The following GPAT3 variants were observed in gnomAD, a reference collection of about 807,000 sequenced individuals.
GPAT3 encodes glycerol-3-phosphate acyltransferase 3.
Under a neutral mutation model 58.8 loss-of-function variants are expected in GPAT3, and 53 were observed. The ratio of observed to expected loss-of-function variants is 0.90; its 90% CI spans 0.72 to 1.13. The LOEUF (loss-of-function observed/expected upper bound fraction) is 1.13, where lower values mean the gene tolerates loss of function less well. Among genes scored for constraint, GPAT3 ranks in the 50% most tolerant of loss-of-function variants. The pLI, the probability that GPAT3 is intolerant of heterozygous loss-of-function variation, is 0.00. For synonymous variants in GPAT3, 197 were observed against 187.4 expected, an observed-to-expected ratio of 1.05 and a Z score of -0.42; for missense variants, 511 against 527.6, an observed-to-expected ratio of 0.97 and a Z score of 0.31.
intron 2 of GPAT3, among the ~76,000 whole-genome samples, chr4:83,557,717 G>A (rs1724990111): frequency 6.6e-6 from 1 of 152,160 alleles, no homozygotes; most frequent in Admixed American, 6.5e-5. Flanking sequence ...CCTCTGATCT[G>A]GAGGATAGAT....
rs1725953106 is a variant in GPAT3 at position 83,579,017 on chromosome 4, C to CCTTTCCTT, written c.209-2540_209-2539insCTTCTTTC. ...CCTTCCTTCCTTCCTTCCTTCTTTCCCTTTCTTTCTTTCTTTCTTTCTTTC... is the reference window on the plus strand; with the variant it reads ...CCTTCCTTCCTTCCTTCCTTCTTTCCCTTTCCTTCTTTCTTTCTTTCTTTCTTTCTTTC... On this transcript the variant is annotated intron_variant, in intron 2 of 11. Coordinates refer to ENST00000264409, the MANE Select transcript of GPAT3 (RefSeq NM_032717.5). Among the ~76,000 whole-genome samples, 16 of 46,496 alleles carry CCTTTCCTT rather than the reference C, an allele frequency of 3.4e-4. 1 individual carries two copies. Among genetic ancestry groups the CCTTTCCTT allele is most frequent in the Non-Finnish European group, 5.6e-4 (14 of 24,794 alleles). The allele number at this position is 46,496 out of a possible 152,430, so 30.5% of individuals were successfully genotyped here.
chr4:83,567,638 A>T (rs916145424), intron 2 of GPAT3, among the ~76,000 whole-genome samples: 2 of 152,018 alleles, frequency 1.3e-5, no homozygotes, highest in Non-Finnish European at 2.9e-5. Flanking sequence ...AGAATTCCTT[A>T]AAAAAAGGTC....
chr4:83,604,228 T>G (rs28497627), intron 11 of GPAT3, among the ~76,000 whole-genome samples: 46,558 of 151,922 alleles, frequency 0.31, 7,254 homozygotes, highest in Middle Eastern at 0.43. Context: ...TACACCACCA[T>G]GCCCAGCTAA....
chr4:83,566,221 TA>T (rs971968111), intron 2 of GPAT3, among the ~76,000 whole-genome samples: 6 of 152,058 alleles, frequency 3.9e-5, no homozygotes, highest in Non-Finnish European at 5.9e-5. Flanking sequence ...TGTATTTTTG[TA>T]GAGACGGCAT....
intron 9 of GPAT3, 62 bp from the exon 10 acceptor site, chr4:83,597,989 A>G: frequency 1.1e-5 from 17 of 1,595,472 alleles, no homozygotes; most frequent in Non-Finnish European, 1.5e-5. Context: ...CCTTTAAAAC[A>G]TTGGGCACGG....
intron 2 of GPAT3, among the ~76,000 whole-genome samples, chr4:83,579,909 C>T (rs933142411): frequency 3.3e-5 from 5 of 152,266 alleles, no homozygotes; most frequent in East Asian, 3.9e-4. Context: ...ACAGCACTGT[C>T]CATTTTCCTC....
In GPAT3 at chr4:83,536,209, G is replaced by C; in HGVS notation, c.-414G>C. The stretch of plus-strand genomic sequence containing the variant: ...AACCTGGCTCGGGGAGGGCCTCCGT[G>C]AGTCATCTGCTGAGTTGTCGCAATC... On this transcript the variant is annotated 5_prime_UTR_variant, in exon 1 of 12. Transcript: ENST00000264409. The C allele has an allele frequency of 1.0e-6, 1 of 989,654 alleles. No individual in the cohort carries two copies. Among genetic ancestry groups the C allele is most frequent in the Non-Finnish European group, 1.2e-6 (1 of 832,900 alleles). 61.3% of individuals were successfully genotyped at this position (989,654 alleles called of 1,614,324 possible).
At chr4:83,555,521 G>T (rs1486210519) in intron 2 of GPAT3, among the ~76,000 whole-genome samples, 1 of 152,190 alleles carries the variant, frequency 6.6e-6, no homozygotes, top group Admixed American at 6.5e-5. Context: ...AGCTTCATGG[G>T]AACAGAGGCT....
chr4:83,554,939 G>A (rs1724896010), intron 2 of GPAT3, among the ~76,000 whole-genome samples: 5 of 151,868 alleles, frequency 3.3e-5, no homozygotes, highest in Admixed American at 2.0e-4. Flanking sequence ...GAGTAGCCAG[G>A]ACTATAGGTG....
intron 2 of GPAT3, among the ~76,000 whole-genome samples, chr4:83,562,190 TATATATATAA>T (rs1271231426): frequency 0.26 from 22,427 of 87,300 alleles, 2,755 homozygotes; most frequent in South Asian, 0.33. Context: ...TATATATATA[TATATATATAA>T]TATATATATA....
intron 2 of GPAT3, among the ~76,000 whole-genome samples, chr4:83,554,011 G>A (rs1280162623): frequency 1.3e-5 from 2 of 151,912 alleles, no homozygotes; most frequent in Non-Finnish European, 2.9e-5. Context: ...TATTTAGGGA[G>A]ACAGGGTCTC....
chr4:83,540,155 TAAAA>T (rs58697347), intron 1 of GPAT3, among the ~76,000 whole-genome samples: 2 of 94,278 alleles, frequency 2.1e-5, no homozygotes, highest in African/African-American at 3.4e-5. Flanking sequence ...AGACTCCATC[TAAAA>T]AAAAAAAAAA....
At chr4:83,583,925 A>T (rs1227015227) in intron 3 of GPAT3, among the ~76,000 whole-genome samples, 1 of 152,128 alleles carries the variant, frequency 6.6e-6, no homozygotes, top group Admixed American at 6.5e-5. Context: ...GCAGTGAGAC[A>T]CTGTATTCCA....
At chr4:83,539,993 A>G (rs1412311340) in intron 1 of GPAT3, among the ~76,000 whole-genome samples, 1 of 152,044 alleles carries the variant, frequency 6.6e-6, no homozygotes, top group African/African-American at 2.4e-5. Context: ...CCCCATCTCT[A>G]CTAAAAATAC....
At chr4:83,596,486 G>A (rs1726843367) in intron 7 of GPAT3, among the ~76,000 whole-genome samples, 1 of 152,054 alleles carries the variant, frequency 6.6e-6, no homozygotes, top group African/African-American at 2.4e-5. Context: ...GCAGGGTGTA[G>A]TGGTGCATAT....
At position 83,594,837 on chromosome 4, in the gene GPAT3, A is replaced by G. The variant is rs761168401; in HGVS notation, c.739-8A>G. 1.2e-6 allele frequency: 2 copies of G among 1,611,562 alleles called. No homozygotes were observed. Among genetic ancestry groups the G allele is most frequent in the Non-Finnish European group, 1.7e-6 (2 of 1,178,638 alleles). On this transcript the variant is annotated splice_region_variant and splice_polypyrimidine_tract_variant and intron_variant, in intron 6 of 11. Transcript: ENST00000264409. ...TTACGTTTTTTCCTTTTCTTATGCT[A>G]CTTCTAGGTTGGCCAGGTTCATGGC...
chr4:83,589,297 A>G lies in GPAT3; in HGVS notation c.645-902A>G, dbSNP rs115611859. 5.3e-3 allele frequency among the ~76,000 whole-genome samples: 809 copies of G among 152,302 alleles called. 3 individuals carry two copies. The highest frequency in any genetic ancestry group is 0.018 in the African/African-American group (740 of 41,566). On this transcript the variant is annotated intron_variant, in intron 5 of 11. Coordinates refer to ENST00000264409, the MANE Select transcript of GPAT3 (RefSeq NM_032717.5). ...TCTCTGTATAGGCCCAAAGAAAACT[A>G]CTTTGCTTTATTGGTGTCAAATACT...
At chr4:83,598,986 C>T in intron 11 of GPAT3, among the ~76,000 whole-genome samples, 1 of 151,404 alleles carries the variant, frequency 6.6e-6, no homozygotes, top group Non-Finnish European at 1.5e-5. Flanking sequence ...ATGGGGTGTC[C>T]TTGTGTTGCT....
chr4:83,575,098 G>C (rs1308135389), intron 2 of GPAT3, among the ~76,000 whole-genome samples: 1 of 151,782 alleles, frequency 6.6e-6, no homozygotes, highest in African/African-American at 2.4e-5. Flanking sequence ...GGATGGTCTC[G>C]ATCTCCTGAC....
Sources: gnomAD v4.1 joint callset for allele counts (sites outside exome capture counted in the v4.1 genomes callset) on GRCh38, gnomAD v4.1.1 for gene constraint, MANE v1.5 for transcripts, NCBI Gene and HGNC (gene_info 2026-07-23, HGNC 2026-07-21) for gene names.